Variants in HYDIN observed in about 807,000 individuals in gnomAD.
HYDIN encodes the protein axonemal central pair apparatus protein HYDIN.
HYDIN carries 132 observed loss-of-function variants against 403.9 expected under a neutral mutation model. The observed-to-expected ratio is 0.33, with a 90% CI of 0.28 to 0.38. HYDIN has a LOEUF of 0.38. Among genes scored for constraint, HYDIN ranks in the 10% least tolerant of loss-of-function variants. The pLI is 1.00. For missense variants in HYDIN, 2,827 were observed against 5,009.5 expected, an observed-to-expected ratio of 0.56 and a Z score of 13.15; for synonymous variants, 1,202 against 1,891.7, an observed-to-expected ratio of 0.64 and a Z score of 9.46.
chr16:71,162,949 G>C (rs374207904), intron 5 of HYDIN, among the ~76,000 whole-genome samples: 1 of 152,224 alleles, frequency 6.6e-6, no homozygotes. Context: ...CCTACAGCTG[G>C]TAGAGAAGCT....
At chr16:70,929,170 A>G in intron 45 of HYDIN, among the ~76,000 whole-genome samples, 1 of 136,858 alleles carries the variant, frequency 7.3e-6, no homozygotes, top group South Asian at 2.6e-4. Flanking sequence ...CATGCCTGTA[A>G]TCCCAGCTAC....
At chr16:70,812,566 T>C (rs1446081120) in intron 84 of HYDIN, among the ~76,000 whole-genome samples, 2 of 152,220 alleles carry the variant, frequency 1.3e-5, no homozygotes, top group Non-Finnish European at 2.9e-5. Context: ...ATTATATTTC[T>C]ATATTCTTAC....
intron 45 of HYDIN, among the ~76,000 whole-genome samples, chr16:70,931,187 G>T (rs1346968411): frequency 6.8e-6 from 1 of 146,440 alleles, no homozygotes; most frequent in Non-Finnish European, 1.5e-5. Context: ...TTTTGAATTG[G>T]GTTTTCTGTC....
intron 12 of HYDIN, among the ~76,000 whole-genome samples, chr16:71,081,372 G>A (rs1450143762): frequency 6.6e-6 from 1 of 150,558 alleles, no homozygotes; most frequent in Non-Finnish European, 1.5e-5. Flanking sequence ...TCATGCTAAC[G>A]ATCTGAAGTG....
Position 71,219,229 on chromosome 16 carries a change from G to A in HYDIN, c.-24+11333C>T, listed in dbSNP as rs1248943116. Reference sequence around the variant, plus strand: ...AGAAATAAAAACAGACACAGATACAGTCAGATCATAATGTTATTAGAGCAA... The same window carrying A: ...AGAAATAAAAACAGACACAGATACAATCAGATCATAATGTTATTAGAGCAA... On this transcript the variant is annotated intron_variant, in intron 1 of 85. Transcript: ENST00000393567. Among the ~76,000 whole-genome samples, 8 of 151,962 alleles carry A rather than the reference G, an allele frequency of 5.3e-5. 1 individual carries two copies. The highest frequency in any genetic ancestry group is 7.3e-5 in the African/African-American group (3 of 41,370).
chr16:70,928,637 C>A (rs2077227101), intron 45 of HYDIN, among the ~76,000 whole-genome samples: 1 of 138,704 alleles, frequency 7.2e-6, no homozygotes, highest in Non-Finnish European at 1.6e-5. Flanking sequence ...GATCAAATTT[C>A]CACTAGGCTT....
intron 1 of HYDIN, among the ~76,000 whole-genome samples, chr16:71,210,983 T>C (rs1213699082): frequency 6.6e-6 from 1 of 151,988 alleles, no homozygotes; most frequent in Non-Finnish European, 1.5e-5. Context: ...TAAAACAATT[T>C]AATAAAAATC....
At position 70,955,518 on chromosome 16, in the gene HYDIN, T is replaced by C. The variant is rs573020993; in HGVS notation, c.6173A>G (p.Lys2058Arg). Residue 2058 changes from lysine (K) to arginine (R), a missense_variant, in exon 40 of 86, where the codon AAG becomes AGG. By Grantham distance (26) the Lys-to-Arg change is conservative (BLOSUM62 2). Coordinates refer to ENST00000393567, the MANE Select transcript of HYDIN (RefSeq NM_001270974.2). ...GKSANAVSVA[K>R]YYNAACLSID... Reference sequence around the variant, plus strand: ...GCTCAGGCAGGCTGCGTTGTAGTACTTGGCCACGCTAACGGCATTGGCTGA... The same window carrying C: ...GCTCAGGCAGGCTGCGTTGTAGTACCTGGCCACGCTAACGGCATTGGCTGA... The C allele has an allele frequency of 1.4e-5, 21 of 1,546,718 alleles. No individual in the cohort carries two copies. The African/African-American group carries it at 2.6e-4, about 19-fold the overall frequency.
chr16:71,158,173 A>C (rs2085851208), intron 6 of HYDIN, among the ~76,000 whole-genome samples: 1 of 152,210 alleles, frequency 6.6e-6, no homozygotes. Flanking sequence ...ACAAGCCCAG[A>C]GCTAGCCCAT....
chr16:71,169,823 TTATAAG>T (rs1476225989), intron 5 of HYDIN, among the ~76,000 whole-genome samples: 1 of 152,144 alleles, frequency 6.6e-6, no homozygotes, highest in Non-Finnish European at 1.5e-5. Context: ...ACAAAAAAAA[TTATAAG>T]TATGTGAGGT....
At chr16:71,222,142 T>C (rs985137123) in intron 1 of HYDIN, among the ~76,000 whole-genome samples, 2 of 152,154 alleles carry the variant, frequency 1.3e-5, no homozygotes, top group Non-Finnish European at 2.9e-5. Flanking sequence ...CACATCATGA[T>C]CAAGTGGGTT....
chr16:71,203,796 T>C (rs968828214), intron 1 of HYDIN: 4 of 455,792 alleles, frequency 8.8e-6, no homozygotes, highest in African/African-American at 6.0e-5. Flanking sequence ...CCAGAACAGA[T>C]AACAGAAAAT....
intron 10 of HYDIN, among the ~76,000 whole-genome samples, chr16:71,115,404 T>C (rs552442274): frequency 6.6e-6 from 1 of 152,362 alleles, no homozygotes; most frequent in South Asian, 2.1e-4. Context: ...CCTTTATCAA[T>C]TACCCAATCT....
At chr16:70,896,246 A>T (rs1425352096) in intron 53 of HYDIN, among the ~76,000 whole-genome samples, 166 bp from the exon 54 acceptor site, 1 of 151,750 alleles carries the variant, frequency 6.6e-6, no homozygotes, top group Admixed American at 6.6e-5. Context: ...GCTCCTCTTA[A>T]TACTCTGGGG....
At chr16:71,097,584 C>G (rs1466611031) in intron 10 of HYDIN, among the ~76,000 whole-genome samples, 1 of 147,500 alleles carries the variant, frequency 6.8e-6, no homozygotes, top group Non-Finnish European at 1.5e-5. Flanking sequence ...ATTGTGACAG[C>G]TATAGCCATA....
chr16:70,813,776 A>G (rs1447299489), intron 84 of HYDIN, among the ~76,000 whole-genome samples: 1 of 149,522 alleles, frequency 6.7e-6, no homozygotes, highest in Non-Finnish European at 1.5e-5. Context: ...AAGGGCCAAG[A>G]ATAGCTAAGA....
At position 71,062,239 on chromosome 16, in the gene HYDIN, T is replaced by C; in HGVS notation, c.2306A>G (p.Glu769Gly). 1.3e-6 allele frequency: 2 copies of C among 1,513,814 alleles called. No individual in the cohort carries two copies. Among genetic ancestry groups the C allele is most frequent in the Non-Finnish European group, 1.8e-6 (2 of 1,101,166 alleles). The allele number at this position is 1,513,814 out of a possible 1,614,324, so 93.8% of individuals were successfully genotyped here. Residue 769 changes from glutamate (E) to glycine (G), a missense_variant, in exon 17 of 86, where the codon GAG becomes GGG. Transcript: ENST00000393567. ...SSTIHIPLVL[E>G]TQVTGEHRST... ...TCTGTGTTCTCCAGTGACCTGGGTC[T>C]CCAGGACCAGTGGTATGTGGATGGT... is the stretch of plus-strand genomic sequence containing the variant.
chr16:70,920,742 C>T lies in HYDIN; in HGVS notation c.7634G>A (p.Arg2545Gln), dbSNP rs1488307375. 8.3e-6 allele frequency: 13 copies of T among 1,574,820 alleles called. No homozygotes were observed. Among genetic ancestry groups the T allele is most frequent in the Middle Eastern group, 1.7e-4 (1 of 6,018 alleles). ...CTCCCCTTCCCCCTCCCAGTCGCTC[C>T]GCTCCTCCAGGGCTCGCAGCTTCTC... ...RLEKLRALEE[R>Q]SDWEGEGEED... The change falls in exon 46 of 86, where the codon CGG (arginine) becomes CAG (glutamine). Residue 2545 changes from arginine (R) to glutamine (Q), a missense_variant. Coordinates refer to ENST00000393567, the MANE Select transcript of HYDIN (RefSeq NM_001270974.2).
intron 21 of HYDIN, among the ~76,000 whole-genome samples, chr16:71,023,127 T>C (rs1160105718): frequency 6.6e-6 from 1 of 152,200 alleles, no homozygotes; most frequent in Non-Finnish European, 1.5e-5. Flanking sequence ...CCAATAAATA[T>C]CTTTCCTGAT....
Sources: allele counts gnomAD v4.1 joint callset (sites outside exome capture counted in the v4.1 genomes callset), GRCh38; gene constraint gnomAD v4.1.1; transcripts MANE v1.5; gene names NCBI Gene and HGNC (gene_info 2026-07-23, HGNC 2026-07-21).